The following SLC7A9 variants were observed in gnomAD, a reference collection of about 807,000 sequenced individuals.
SLC7A9 encodes the protein B(0,+)-type amino acid transporter 1.
In SLC7A9, 38 loss-of-function variants were observed where a neutral mutation model predicts 54.1. The observed-to-expected ratio is 0.70, with a 90% CI of 0.54 to 0.92. SLC7A9 has a LOEUF of 0.92. SLC7A9 is among the 40% of genes least tolerant of loss of function. The pLI, the probability that SLC7A9 is intolerant of heterozygous loss-of-function variation, is 0.00. For missense variants in SLC7A9, 537 were observed against 636.1 expected, an observed-to-expected ratio of 0.84 and a Z score of 1.68; for synonymous variants, 264 against 258.9, an observed-to-expected ratio of 1.02 and a Z score of -0.19.
chr19:32,860,391 T>C (rs1260584188), intron 7 of SLC7A9: 34 of 1,350,952 alleles, frequency 2.5e-5, no homozygotes, highest in Non-Finnish European at 3.2e-5. Flanking sequence ...ATCTCATCTC[T>C]ACTAAAAAAA....
intron 11 of SLC7A9, among the ~76,000 whole-genome samples, chr19:32,837,047 A>G (rs1209894061): frequency 6.7e-6 from 1 of 149,606 alleles, no homozygotes; most frequent in African/African-American, 2.4e-5. Flanking sequence ...GTTTATTCAT[A>G]TAATGATAAG....
chr19:32,843,375 T>C (rs756381683), intron 10 of SLC7A9, among the ~76,000 whole-genome samples: 1 of 152,124 alleles, frequency 6.6e-6, no homozygotes, highest in South Asian at 2.1e-4. Context: ...GAGAATCATT[T>C]GAACCTGGGA....
intron 12 of SLC7A9, among the ~76,000 whole-genome samples, chr19:32,831,771 GC>G (rs571197315): frequency 0.011 from 1,605 of 152,298 alleles, 39 homozygotes; most frequent in African/African-American, 0.037. Flanking sequence ...AAAGGCTTGG[GC>G]CCCAGCCCAG....
At chr19:32,854,374 C>G (rs1170308260) in intron 9 of SLC7A9, among the ~76,000 whole-genome samples, 1 of 152,036 alleles carries the variant, frequency 6.6e-6, no homozygotes, top group African/African-American at 2.4e-5. Context: ...TGGATTCAAC[C>G]CAGTCCTGAT....
Position 32,868,548 on chromosome 19 carries a change from G to C in SLC7A9, c.-14C>G. On this transcript the variant is annotated 5_prime_UTR_variant, in exon 2 of 13. Transcript: ENST00000023064. ...AGTATCCCCCATGTTTCCTCCTGCTGGTTCCAGGAGACTGCAAGGAGGGCG... is the reference window on the plus strand; with the variant it reads ...AGTATCCCCCATGTTTCCTCCTGCTCGTTCCAGGAGACTGCAAGGAGGGCG... 2 of 1,607,910 alleles carry C rather than the reference G, an allele frequency of 1.2e-6. No homozygotes were observed. The highest frequency in any genetic ancestry group is 1.7e-6 in the Non-Finnish European group (2 of 1,174,340).
At chr19:32,830,761 G>A (rs1335463063) in intron 12 of SLC7A9, 77 bp from the exon 13 acceptor site, 4 of 1,177,858 alleles carry the variant, frequency 3.4e-6, no homozygotes, top group Non-Finnish European at 3.8e-6. Flanking sequence ...TGTGGGTGAG[G>A]GTGACATTGT....
At chr19:32,839,577 G>A (rs751361578) in intron 11 of SLC7A9, among the ~76,000 whole-genome samples, 11 of 148,594 alleles carry the variant, frequency 7.4e-5, no homozygotes, top group African/African-American at 2.2e-4. Flanking sequence ...AAAAAGTCTC[G>A]TGTAAGGATA....
chr19:32,860,049 G>A, intron 7 of SLC7A9, 85 bp from the exon 8 acceptor site: 1 of 1,610,192 alleles, frequency 6.2e-7, no homozygotes, highest in Non-Finnish European at 8.5e-7. Flanking sequence ...CCCTCCCAGG[G>A]AGAAGATTCG....
At chr19:32,846,122 C>A (rs1968284616) in intron 9 of SLC7A9, among the ~76,000 whole-genome samples, 1 of 152,024 alleles carries the variant, frequency 6.6e-6, no homozygotes, top group African/African-American at 2.4e-5. Context: ...TCTGCATTTC[C>A]ATCTGAGGTA....
At position 32,842,236 on chromosome 19, in the gene SLC7A9, A is replaced by G; in HGVS notation, c.1156T>C (p.Tyr386His). 3 of 1,614,130 alleles carry G rather than the reference A, an allele frequency of 1.9e-6. No individual in the cohort carries two copies. The highest frequency in any genetic ancestry group is 2.5e-6 in the Non-Finnish European group (3 of 1,179,996). ...NYFSFAAWLF[Y>H]GLTILGLIVM... ...ATGAGTCCTAGAATCGTCAGGCCAT[A>G]AAACAGCCATGCGGCAAAGCTGAAA... is the stretch of plus-strand genomic sequence containing the variant. The change falls in exon 11 of 13, where the codon TAT (tyrosine) becomes CAT (histidine). Residue 386 changes from tyrosine (Y) to histidine (H), a missense_variant. By Grantham distance (83) the Tyr-to-His change is moderately conservative (BLOSUM62 2). Transcript: ENST00000023064.
chr19:32,859,598 T>A (rs966147535), intron 8 of SLC7A9, among the ~76,000 whole-genome samples: 3 of 152,096 alleles, frequency 2.0e-5, no homozygotes, highest in Non-Finnish European at 2.9e-5. Flanking sequence ...TATAATGACC[T>A]AATATAATGA....
intron 10 of SLC7A9, among the ~76,000 whole-genome samples, chr19:32,843,056 A>T (rs1968174377): frequency 6.6e-6 from 1 of 151,752 alleles, no homozygotes; most frequent in African/African-American, 2.4e-5. Context: ...CCTCTGGGGG[A>T]AGGAGTGTAG....
At chr19:32,847,013 A>G (rs543515287) in intron 9 of SLC7A9, among the ~76,000 whole-genome samples, 100 of 152,382 alleles carry the variant, frequency 6.6e-4, no homozygotes, top group African/African-American at 2.3e-3. Flanking sequence ...CAGAAAGGAC[A>G]TCCACACCAA....
chr19:32,847,784 GAGAA>G (rs1424941727), intron 9 of SLC7A9, among the ~76,000 whole-genome samples: 1 of 152,204 alleles, frequency 6.6e-6, no homozygotes, highest in Non-Finnish European at 1.5e-5. Context: ...GGCAGCCAGA[GAGAA>G]AGGCTGGGTT....
chr19:32,846,517 A>T (rs11665721), intron 9 of SLC7A9, among the ~76,000 whole-genome samples: 1 of 151,996 alleles, frequency 6.6e-6, no homozygotes, highest in East Asian at 1.9e-4. Context: ...CAAAGCAGCC[A>T]GGAAGCTCGA....
At chr19:32,855,681 G>A (rs1442020772) in intron 9 of SLC7A9, among the ~76,000 whole-genome samples, 1 of 151,484 alleles carries the variant, frequency 6.6e-6, no homozygotes, top group African/African-American at 2.4e-5. Flanking sequence ...CAGCCTGGGT[G>A]ACAGAGCAAG....
At chr19:32,840,320 G>T (rs1399501928) in intron 11 of SLC7A9, among the ~76,000 whole-genome samples, 2 of 152,004 alleles carry the variant, frequency 1.3e-5, no homozygotes, top group Non-Finnish European at 2.9e-5. Flanking sequence ...CTATAGGCGT[G>T]CACCACCACA....
chr19:32,841,703 T>TA (rs1968131271), intron 11 of SLC7A9, among the ~76,000 whole-genome samples: 1 of 152,148 alleles, frequency 6.6e-6, no homozygotes, highest in South Asian at 2.1e-4. Flanking sequence ...GGTCAGGAGT[T>TA]AGAGACCAGC....
intron 9 of SLC7A9, among the ~76,000 whole-genome samples, chr19:32,848,524 A>G (rs1214354348): frequency 6.6e-6 from 1 of 152,238 alleles, no homozygotes; most frequent in African/African-American, 2.4e-5. Flanking sequence ...GAGCACCCAG[A>G]TTCATAAAGC....
Sources: allele counts gnomAD v4.1 joint callset (sites outside exome capture counted in the v4.1 genomes callset), GRCh38; gene constraint gnomAD v4.1.1; transcripts MANE v1.5; gene names NCBI Gene and HGNC (gene_info 2026-07-23, HGNC 2026-07-21).